Variants in SLAMF9 observed in about 807,000 individuals in gnomAD.
SLAMF9 encodes the protein CD2 family member 10.
In SLAMF9, 25 loss-of-function variants were observed where a neutral mutation model predicts 30.4. The observed-to-expected ratio is 0.82, with a 90% CI of 0.60 to 1.15. The LOEUF (loss-of-function observed/expected upper bound fraction) is 1.15, where lower values mean the gene tolerates loss of function less well. Ranked by LOEUF, SLAMF9 falls within the 50% of genes most tolerant of loss-of-function variation. The pLI, the probability that SLAMF9 is intolerant of heterozygous loss-of-function variation, is 0.00. For missense variants in SLAMF9, 344 were observed against 346.1 expected, an observed-to-expected ratio of 0.99 and a Z score of 0.05; for synonymous variants, 129 against 127.2, an observed-to-expected ratio of 1.01 and a Z score of -0.09.
At chr1:159,969,814 A>C in the SLAMF9 span, among the ~76,000 whole-genome samples, 2 of 152,200 alleles carry the variant, frequency 1.3e-5, no homozygotes, top group Non-Finnish European at 1.5e-5. Flanking sequence ...AGCCCGAGGC[A>C]GGCAGATCAT....
At chr1:159,976,830 CCCAGGAGTTTGAGT>C in the SLAMF9 span, 3 of 150,330 alleles carry the variant, frequency 2.0e-5, no homozygotes, top group Non-Finnish European at 4.4e-5. Context: ...ATTCCTTGAG[CCCAGGAGTTTGAGT>C]CCAGCCTGGA....
At chr1:159,958,999 C>A (rs961411115), upstream of SLAMF9, among the ~76,000 whole-genome samples, 1 of 152,130 alleles carries the variant, frequency 6.6e-6, no homozygotes, top group African/African-American at 2.4e-5. Context: ...ATCTCCCTTA[C>A]CCTGGCTTAG....
At chr1:159,960,122 G>A in the SLAMF9 span, among the ~76,000 whole-genome samples, 52 of 150,650 alleles carry the variant, frequency 3.5e-4, no homozygotes, top group African/African-American at 1.5e-4. Flanking sequence ...CCATTAACTC[G>A]TCATTTAGCA....
chr1:159,974,202 C>A, the SLAMF9 span: 1 of 648,386 alleles, frequency 1.5e-6, no homozygotes, highest in Non-Finnish European at 2.8e-6. Context: ...TGTCTCCAGT[C>A]CTTCATGCTG....
At chr1:159,955,497 T>A (rs1007473840), upstream of SLAMF9, among the ~76,000 whole-genome samples, 3 of 152,260 alleles carry the variant, frequency 2.0e-5, no homozygotes, top group Admixed American at 1.3e-4. Context: ...TCAGCTTTGG[T>A]CTTGTGCCAA....
chr1:159,960,525 G>C, the SLAMF9 span, among the ~76,000 whole-genome samples: 150 of 149,884 alleles, frequency 1.0e-3, 1 homozygote, highest in African/African-American at 3.2e-3. Context: ...CAGTGCAGTG[G>C]TACCATCTCG....
the SLAMF9 span, among the ~76,000 whole-genome samples, chr1:159,980,051 G>T: frequency 6.6e-6 from 1 of 152,286 alleles, no homozygotes; most frequent in Admixed American, 6.5e-5. Context: ...GAGAAGATTG[G>T]GATGCTCTGA....
upstream of SLAMF9, among the ~76,000 whole-genome samples, chr1:159,954,490 G>C (rs1041010179): frequency 1.3e-5 from 2 of 152,122 alleles, no homozygotes; most frequent in Non-Finnish European, 2.9e-5. Flanking sequence ...CGAACTCGTA[G>C]AACATTCCCT....
chr1:159,952,222 T>C, intron 3 of SLAMF9, 40 bp downstream of exon 3: 1 of 1,608,858 alleles, frequency 6.2e-7, no homozygotes, highest in Non-Finnish European at 8.5e-7. Context: ...CTAGGCACTA[T>C]CTTTCATGAG....
the SLAMF9 span, among the ~76,000 whole-genome samples, chr1:159,979,909 A>C: frequency 6.6e-6 from 1 of 152,154 alleles, no homozygotes; most frequent in Non-Finnish European, 1.5e-5. Flanking sequence ...GGCAGCCATA[A>C]ATTAATAAAC....
At chr1:159,961,764 G>T in the SLAMF9 span, among the ~76,000 whole-genome samples, 1 of 152,220 alleles carries the variant, frequency 6.6e-6, no homozygotes, top group Non-Finnish European at 1.5e-5. Flanking sequence ...AGGGCCGAGA[G>T]ATGGAGGCAG....
the SLAMF9 span, among the ~76,000 whole-genome samples, chr1:159,975,814 GA>G: frequency 1.3e-5 from 2 of 152,206 alleles, no homozygotes; most frequent in Non-Finnish European, 2.9e-5. Flanking sequence ...TGATGAGGGT[GA>G]GGGGCAAAAG....
chr1:159,953,286 T>G (rs757731285), intron 2 of SLAMF9, 23 bp downstream of exon 2: 2 of 1,575,660 alleles, frequency 1.3e-6, no homozygotes, highest in Non-Finnish European at 1.7e-6. Context: ...AAACCAGCTT[T>G]ATGGTTCCCA....
At chr1:159,978,760 C>T in the SLAMF9 span, 1 of 152,152 alleles carries the variant, frequency 6.6e-6, no homozygotes, top group African/African-American at 2.4e-5. Context: ...GTCCAGCTGC[C>T]CTCCCCACCA....
the SLAMF9 span, among the ~76,000 whole-genome samples, chr1:159,971,343 C>T: frequency 6.6e-6 from 1 of 152,202 alleles, no homozygotes; most frequent in Middle Eastern, 3.4e-3. Context: ...CGCTAGGCAA[C>T]AAAAATTCAT....
rs775129644 is a variant in SLAMF9, at chr1:159,952,561, C to G, written c.392-27G>C. On this transcript the variant is annotated intron_variant, in intron 2 of 3. Coordinates refer to ENST00000368093, the MANE Select transcript of SLAMF9 (RefSeq NM_033438.4). Reference sequence around the variant, plus strand: ...TGGATGAAGGGGAAACACAAAGACCCTCTAAACAATCAGGGATCGGGTCTG... The same window carrying G: ...TGGATGAAGGGGAAACACAAAGACCGTCTAAACAATCAGGGATCGGGTCTG... The G allele has an allele frequency of 5.0e-6, 8 of 1,607,222 alleles. No individual in the cohort carries two copies. The Admixed American group carries it at 1.3e-4, about 27-fold the overall frequency.
chr1:159,974,428 C>A, the SLAMF9 span, among the ~76,000 whole-genome samples: 1 of 152,174 alleles, frequency 6.6e-6, no homozygotes, highest in African/African-American at 2.4e-5. Context: ...TCCTCCTGAA[C>A]AGATTCCAAT....
the SLAMF9 span, chr1:159,983,250 G>A: frequency 6.6e-6 from 1 of 152,122 alleles, no homozygotes; most frequent in Admixed American, 6.5e-5. Context: ...GTTCATCACA[G>A]CACTTCTATC....
At chr1:159,970,698 G>A in the SLAMF9 span, among the ~76,000 whole-genome samples, 9 of 152,128 alleles carry the variant, frequency 5.9e-5, no homozygotes, top group Admixed American at 1.3e-4. Context: ...TTTCTAAGAC[G>A]TGTGTGAGAG....
Sources: allele counts gnomAD v4.1 joint callset (sites outside exome capture counted in the v4.1 genomes callset), GRCh38; gene constraint gnomAD v4.1.1; transcripts MANE v1.5; gene names NCBI Gene and HGNC (gene_info 2026-07-23, HGNC 2026-07-21).